EPHA4: variants seen among roughly 807,000 people sequenced by gnomAD.
EPHA4 encodes the protein ephrin type-A receptor 4.
Under a neutral mutation model 108.3 loss-of-function variants are expected in EPHA4, and 19 were observed. The observed-to-expected ratio is 0.18, with a 90% CI of 0.12 to 0.26. The LOEUF is 0.26. Among genes scored for constraint, EPHA4 ranks in the 10% least tolerant of loss-of-function variants. EPHA4 has a pLI of 1.00. For synonymous variants in EPHA4, 449 were observed against 455.5 expected (o/e 0.99, Z 0.18); for missense variants, 917 against 1,254.0 (o/e 0.73, Z 4.06).
At chr2:221,565,383 G>C (rs2106210311) in intron 2 of EPHA4, among the ~76,000 whole-genome samples, 1 of 152,230 alleles carries the variant, frequency 6.6e-6, no homozygotes, top group African/African-American at 2.4e-5. Flanking sequence ...TACTAAGCTG[G>C]TAGGCAGCCT....
At chr2:221,563,495 C>A (rs1017234723) in intron 3 of EPHA4, among the ~76,000 whole-genome samples, 1 of 152,134 alleles carries the variant, frequency 6.6e-6, no homozygotes, top group East Asian at 1.9e-4. Flanking sequence ...GATATAAGTG[C>A]CTGTTAGCAA....
intron 7 of EPHA4, 31 bp downstream of exon 7, chr2:221,456,582 G>T: frequency 1.2e-6 from 2 of 1,609,622 alleles, no homozygotes; most frequent in Non-Finnish European, 1.7e-6. Context: ...AATAGCCTCA[G>T]AAGTGACTGA....
At chr2:221,568,400 T>C (rs746418448) in intron 2 of EPHA4, among the ~76,000 whole-genome samples, 15 of 152,286 alleles carry the variant, frequency 9.8e-5, no homozygotes, top group Non-Finnish European at 1.9e-4. Flanking sequence ...ATCACAGTAA[T>C]AGGCATAAAT....
chr2:221,432,581 TGG>T (rs1406237154), intron 14 of EPHA4, among the ~76,000 whole-genome samples: 1 of 152,172 alleles, frequency 6.6e-6, no homozygotes, highest in African/African-American at 2.4e-5. Flanking sequence ...TTAATCTGGT[TGG>T]TCAGCATAGA....
chr2:221,438,846 C>T (rs1690327510), intron 11 of EPHA4, among the ~76,000 whole-genome samples: 1 of 152,132 alleles, frequency 6.6e-6, no homozygotes, highest in South Asian at 2.1e-4. Flanking sequence ...ATTTAGACTT[C>T]AGTCTAGAAA....
intron 3 of EPHA4, among the ~76,000 whole-genome samples, chr2:221,540,213 C>T (rs1168879094): frequency 6.6e-6 from 1 of 152,204 alleles, no homozygotes; most frequent in African/African-American, 2.4e-5. Flanking sequence ...AGCCACCGCG[C>T]CCAGCCCAGT....
intron 5 of EPHA4, among the ~76,000 whole-genome samples, chr2:221,461,174 T>C (rs544103169): frequency 2.0e-5 from 3 of 152,162 alleles, no homozygotes; most frequent in Non-Finnish European, 4.4e-5. Context: ...TGAGAAAGAA[T>C]TGAAAATGAA....
intron 2 of EPHA4, among the ~76,000 whole-genome samples, chr2:221,567,087 T>G (rs1386208499): frequency 1.3e-5 from 2 of 152,028 alleles, no homozygotes; most frequent in Non-Finnish European, 2.9e-5. Context: ...TACCCTAAAA[T>G]GTGTCAGTCC....
chr2:221,570,367 C>G (rs1228252996), intron 1 of EPHA4, among the ~76,000 whole-genome samples: 1 of 151,934 alleles, frequency 6.6e-6, no homozygotes, highest in African/African-American at 2.4e-5. Context: ...AAAACAGTCT[C>G]TACATCTGGG....
chr2:221,442,036 G>C (rs2106105006), intron 11 of EPHA4, among the ~76,000 whole-genome samples: 1 of 152,288 alleles, frequency 6.6e-6, no homozygotes, highest in Admixed American at 6.5e-5. Context: ...CAGACACCTT[G>C]AATCAAAGAA....
chr2:221,481,012 T>G (rs1472566268), intron 5 of EPHA4, among the ~76,000 whole-genome samples: 1 of 152,180 alleles, frequency 6.6e-6, no homozygotes, highest in Non-Finnish European at 1.5e-5. Context: ...GGCTATGTTT[T>G]CTATCCCAAG....
At chr2:221,554,930 T>C (rs770195489) in intron 3 of EPHA4, among the ~76,000 whole-genome samples, 9 of 152,342 alleles carry the variant, frequency 5.9e-5, no homozygotes, top group Middle Eastern at 3.4e-3. Context: ...ACTTTACAAT[T>C]TTTTAAAGCC....
chr2:221,570,936 T>TA (rs1694817386), intron 1 of EPHA4, among the ~76,000 whole-genome samples: 1 of 151,786 alleles, frequency 6.6e-6, no homozygotes, highest in African/African-American at 2.4e-5. Flanking sequence ...GACGGATAGA[T>TA]AGATGGATGC....
chr2:221,528,507 G>A (rs1187158252), intron 3 of EPHA4, among the ~76,000 whole-genome samples: 3 of 152,148 alleles, frequency 2.0e-5, no homozygotes, highest in Non-Finnish European at 4.4e-5. Context: ...CCACAGCCAA[G>A]TCTGAACAAC....
chr2:221,434,006 C>T (rs1690157491), intron 14 of EPHA4, 136 bp downstream of exon 14: 1 of 790,656 alleles, frequency 1.3e-6, no homozygotes, highest in South Asian at 2.0e-5. Flanking sequence ...GTTGAACTAG[C>T]TTGCTAGATA....
chr2:221,446,875 T>C (rs3770188), intron 8 of EPHA4, among the ~76,000 whole-genome samples: 52,750 of 152,074 alleles, frequency 0.35, 10,924 homozygotes, highest in African/African-American at 0.59. Context: ...TTGCTTTGCC[T>C]AATTCACTTT....
intron 11 of EPHA4, among the ~76,000 whole-genome samples, chr2:221,439,228 C>T (rs55760133): frequency 0.25 from 38,068 of 151,600 alleles, 4,921 homozygotes; most frequent in African/African-American, 0.31. Context: ...CTTTTCTCTA[C>T]GCTGGCAGGG....
In EPHA4 at chr2:221,456,696, G is replaced by A; in HGVS notation, c.1520C>T (p.Thr507Ile). 6.2e-7 allele frequency: 1 copy of A among 1,614,028 alleles called. No homozygotes were observed. The highest frequency in any genetic ancestry group is 8.5e-7 in the Non-Finnish European group (1 of 1,179,914). Residue 507 changes from threonine (T) to isoleucine (I), a missense_variant, in exon 7 of 18, where the codon ACT (threonine) becomes ATT (isoleucine). Physicochemically the swap from Thr to Ile is moderately conservative, Grantham distance 89. Around this residue, in one of 3 missense-constraint regions of EPHA4, gnomAD observed 758 missense variants for 1,076.7 expected, o/e 0.70. Transcript: ENST00000281821. ...NTDIKGLNPL[T>I]SYVFHVRART... ...GGCTCGCACGTGGAAAACATAGGAA[G>A]TGAGAGGGTTCAGGCCTTTGATATC...
chr2:221,532,263 TA>T (rs1693546094), intron 3 of EPHA4, among the ~76,000 whole-genome samples: 1 of 151,950 alleles, frequency 6.6e-6, no homozygotes, highest in Non-Finnish European at 1.5e-5. Context: ...GCTGGGATTA[TA>T]GGCACGTGCT....
Sources: gnomAD v4.1 joint callset for allele counts (sites outside exome capture counted in the v4.1 genomes callset) on GRCh38, gnomAD v4.1.1 for gene constraint, gnomAD v4.1.1 regional missense constraint, MANE v1.5 for transcripts, NCBI Gene and HGNC (gene_info 2026-07-23, HGNC 2026-07-21) for gene names.